TENM2: variants seen among roughly 807,000 people sequenced by gnomAD.
The protein encoded by TENM2 is teneurin transmembrane protein 2, also known as teneurin-2.
Under a neutral mutation model 245.2 loss-of-function variants are expected in TENM2, and 52 were observed. The ratio of observed to expected loss-of-function variants is 0.21; its 90% confidence interval spans 0.17 to 0.27. The LOEUF (loss-of-function observed/expected upper bound fraction) is 0.27. TENM2 is among the 10% of genes least tolerant of loss of function. The pLI is 1.00. For synonymous variants in TENM2, 1,363 were observed against 1,438.9 expected, an observed-to-expected ratio of 0.95 and a Z score of 1.19; for missense variants, 3,046 against 3,666.8, an observed-to-expected ratio of 0.83 and a Z score of 4.37.
intron 2 of TENM2, among the ~76,000 whole-genome samples, chr5:167,827,995 C>T (rs1279282021): frequency 6.6e-6 from 1 of 152,196 alleles, no homozygotes; most frequent in African/African-American, 2.4e-5. Flanking sequence ...CTCAAACAAT[C>T]CCTTATCCAA....
At chr5:167,201,850 C>G in the TENM2 span, among the ~76,000 whole-genome samples, 26,465 of 152,102 alleles carry the variant, frequency 0.17, 2,484 homozygotes, top group African/African-American at 0.22. Context: ...GATGCAGTTT[C>G]CTTTCTCTCT....
At position 167,698,413 on chromosome 5, in the gene TENM2, T is replaced by C. The variant is rs145226633; in HGVS notation, c.503-177573T>C. On this transcript the variant is annotated intron_variant, in intron 2 of 28. Coordinates refer to ENST00000518659, the Ensembl canonical transcript of TENM2. ...CATGCTGTCTGTCTCTCCATCAGGCTCCACACTGTTCCCTGTGCTAGAACA... is the reference window on the plus strand; with the variant it reads ...CATGCTGTCTGTCTCTCCATCAGGCCCCACACTGTTCCCTGTGCTAGAACA... Among the ~76,000 whole-genome samples the C allele has an allele frequency of 6.4e-3, 968 of 152,254 alleles. 10 individuals carry two copies. The highest frequency in any genetic ancestry group is 0.022 in the African/African-American group (916 of 41,560).
chr5:167,159,492 T>C, the TENM2 span, among the ~76,000 whole-genome samples: 4 of 152,242 alleles, frequency 2.6e-5, no homozygotes, highest in East Asian at 5.8e-4. Flanking sequence ...ACCACAGAAA[T>C]AACCTTGTGA....
chr5:167,116,784 A>T, the TENM2 span: 4 of 152,170 alleles, frequency 2.6e-5, no homozygotes, highest in African/African-American at 9.6e-5. Context: ...CTTTCCACTC[A>T]TCTGGCCTTT....
chr5:167,429,709 C>G (rs563353492), intron 2 of TENM2, among the ~76,000 whole-genome samples: 1 of 149,670 alleles, frequency 6.7e-6, no homozygotes, highest in Non-Finnish European at 1.5e-5. Flanking sequence ...CAGGTTCAAG[C>G]GATTCTCCTG....
chr5:167,570,129 A>G (rs918509284), intron 2 of TENM2, among the ~76,000 whole-genome samples: 1 of 152,210 alleles, frequency 6.6e-6, no homozygotes. Flanking sequence ...ATGCATATGC[A>G]TCAGGCTGGG....
At chr5:167,735,787 T>C (rs1760752932) in intron 2 of TENM2, among the ~76,000 whole-genome samples, 1 of 151,854 alleles carries the variant, frequency 6.6e-6, no homozygotes, top group South Asian at 2.1e-4. Context: ...GCCTGGGCGA[T>C]AGAGTGAGAC....
the TENM2 span, among the ~76,000 whole-genome samples, chr5:167,090,558 A>G: frequency 4.3e-4 from 65 of 152,332 alleles, no homozygotes; most frequent in African/African-American, 1.5e-3. Context: ...GTGATTCGCT[A>G]TGTAACACAA....
At chr5:167,124,047 T>C in the TENM2 span, among the ~76,000 whole-genome samples, 1 of 152,208 alleles carries the variant, frequency 6.6e-6, no homozygotes, top group Non-Finnish European at 1.5e-5. Flanking sequence ...TGACCAGTAG[T>C]GTCTATATGG....
At chr5:167,791,218 A>G (rs1271140830) in intron 2 of TENM2, among the ~76,000 whole-genome samples, 1 of 151,828 alleles carries the variant, frequency 6.6e-6, no homozygotes, top group Non-Finnish European at 1.5e-5. Flanking sequence ...AGTTTTTTGT[A>G]TACTTTTGAT....
chr5:167,897,517 C>G (rs971918985), intron 3 of TENM2, among the ~76,000 whole-genome samples: 1 of 152,190 alleles, frequency 6.6e-6, no homozygotes, highest in Non-Finnish European at 1.5e-5. Flanking sequence ...TCCTTTCTTG[C>G]TATACACCCT....
intron 2 of TENM2, among the ~76,000 whole-genome samples, chr5:167,615,310 GT>G (rs1393141002): frequency 6.6e-6 from 1 of 152,032 alleles, no homozygotes; most frequent in Non-Finnish European, 1.5e-5. Flanking sequence ...CCCTTATTAA[GT>G]CTTGCTGATG....
the TENM2 span, among the ~76,000 whole-genome samples, chr5:167,043,625 C>T: frequency 7.9e-5 from 12 of 151,956 alleles, no homozygotes; most frequent in African/African-American, 1.7e-4. Context: ...AAGTGGTGGA[C>T]GAATTTTACA....
chr5:168,251,720 G>C (rs945712474), intron 27 of TENM2, among the ~76,000 whole-genome samples: 1 of 152,212 alleles, frequency 6.6e-6, no homozygotes, highest in South Asian at 2.1e-4. Context: ...AGATGTAGTC[G>C]GGAGGAACAC....
the TENM2 span, among the ~76,000 whole-genome samples, chr5:167,277,959 T>TTTTTGTTTTG: frequency 6.6e-6 from 1 of 151,996 alleles, no homozygotes; most frequent in East Asian, 1.9e-4. Context: ...GCATGATACC[T>TTTTTGTTTTG]TTTTGTTTTG....
At chr5:168,263,625 A>T (rs1768405066), downstream of TENM2, 1 of 152,668 alleles carries the variant, frequency 6.6e-6, no homozygotes, top group Non-Finnish European at 1.5e-5. Flanking sequence ...ATTTAATTCA[A>T]AATGGTGGCT....
chr5:167,233,654 A>G, the TENM2 span, among the ~76,000 whole-genome samples: 16 of 152,302 alleles, frequency 1.1e-4, no homozygotes, highest in African/African-American at 3.4e-4. Flanking sequence ...CATATAATGT[A>G]TTCACTTAAT....
intron 4 of TENM2, among the ~76,000 whole-genome samples, chr5:167,989,267 A>AG (rs1783478804): frequency 1.6e-5 from 2 of 125,098 alleles, no homozygotes; most frequent in African/African-American, 7.1e-5. Flanking sequence ...GAAGATAGAG[A>AG]AAGAGAGAGA....
intron 2 of TENM2, among the ~76,000 whole-genome samples, chr5:167,384,699 C>CGT: frequency 8.8e-6 from 1 of 113,940 alleles, no homozygotes; most frequent in Non-Finnish European, 1.8e-5. Context: ...CGTGCACACG[C>CGT]GTGCGCGCAC....
Sources: allele counts gnomAD v4.1 joint callset (sites outside exome capture counted in the v4.1 genomes callset), GRCh38; gene constraint gnomAD v4.1.1; transcripts MANE v1.5; gene names NCBI Gene and HGNC (gene_info 2026-07-23, HGNC 2026-07-21).